The following PRKCQ variants were observed in gnomAD, a reference collection of about 807,000 sequenced individuals.
PRKCQ encodes the protein protein kinase C theta, also known as protein kinase C theta type.
A neutral mutation model predicts 91.2 loss-of-function variants in PRKCQ; 41 were observed. The ratio of observed to expected loss-of-function variants is 0.45; its 90% CI spans 0.35 to 0.58. The LOEUF (loss-of-function observed/expected upper bound fraction) is 0.58, where lower values mean the gene tolerates loss of function less well. Ranked by LOEUF, PRKCQ falls within the 20% of genes least tolerant of loss-of-function variation. The probability of loss-of-function intolerance (pLI) is 0.00; values close to 1 mark genes in which losing one functional copy is unlikely to be tolerated. For missense variants in PRKCQ, 673 were observed against 896.5 expected (o/e 0.75, Z 3.18); for synonymous variants, 307 against 316.9 (o/e 0.97, Z 0.33).
chr10:6,484,491 C>T (rs1836790669), intron 10 of PRKCQ, among the ~76,000 whole-genome samples: 1 of 152,294 alleles, frequency 6.6e-6, no homozygotes, highest in African/African-American at 2.4e-5. Flanking sequence ...GGCAACCCCT[C>T]CTAAATGTAA....
the PRKCQ span, among the ~76,000 whole-genome samples, chr10:6,411,139 G>A: frequency 6.6e-6 from 1 of 152,178 alleles, no homozygotes; most frequent in African/African-American, 2.4e-5. Flanking sequence ...TATAATGAGA[G>A]AGGAGTCTAC....
intron 1 of PRKCQ, among the ~76,000 whole-genome samples, chr10:6,539,173 A>C (rs1653948557): frequency 6.6e-6 from 1 of 152,172 alleles, no homozygotes. Context: ...TGGCCCTAAC[A>C]TTCTGCCTCA....
chr10:6,507,594 A>G, intron 3 of PRKCQ, 98 bp from the exon 4 acceptor site: 1 of 1,022,512 alleles, frequency 9.8e-7, no homozygotes, highest in Non-Finnish European at 1.5e-6. Context: ...GATTTCCACC[A>G]CAGAATACAA....
At chr10:6,521,828 T>A (rs1337676955) in intron 1 of PRKCQ, among the ~76,000 whole-genome samples, 2 of 152,212 alleles carry the variant, frequency 1.3e-5, no homozygotes. Context: ...ATATCAGGTA[T>A]GTCCATCCAA....
At chr10:6,405,133 C>T in the PRKCQ span, among the ~76,000 whole-genome samples, 1 of 152,144 alleles carries the variant, frequency 6.6e-6, no homozygotes, top group Non-Finnish European at 1.5e-5. Context: ...AGGTGCACGC[C>T]ACCACACCCT....
intron 1 of PRKCQ, among the ~76,000 whole-genome samples, chr10:6,531,817 T>C (rs1839405926): frequency 6.6e-6 from 1 of 152,132 alleles, no homozygotes; most frequent in Admixed American, 6.5e-5. Flanking sequence ...TGTTTTTTTG[T>C]TTTTTTCATT....
chr10:6,443,360 C>T (rs1834074968), intron 15 of PRKCQ, among the ~76,000 whole-genome samples: 1 of 152,212 alleles, frequency 6.6e-6, no homozygotes, highest in Non-Finnish European at 1.5e-5. Context: ...GAGACAGCTG[C>T]ACTTGCTTGC....
chr10:6,569,930 G>C (rs141367481), intron 1 of PRKCQ, among the ~76,000 whole-genome samples: 12 of 152,264 alleles, frequency 7.9e-5, no homozygotes, highest in Admixed American at 1.3e-4. Flanking sequence ...CTGGGTCACA[G>C]TCAGCGAGGA....
At chr10:6,440,826 TA>T (rs1388776056) in intron 16 of PRKCQ, among the ~76,000 whole-genome samples, 1 of 152,118 alleles carries the variant, frequency 6.6e-6, no homozygotes, top group East Asian at 1.9e-4. Context: ...CCACCTCTAC[TA>T]AAAATACAAA....
chr10:6,432,424 G>A (rs1368779441), intron 16 of PRKCQ, among the ~76,000 whole-genome samples: 5 of 152,098 alleles, frequency 3.3e-5, no homozygotes, highest in Non-Finnish European at 5.9e-5. Flanking sequence ...AAAGTTCCGG[G>A]TGAAATGTTT....
rs553468658 is a variant in PRKCQ, at chr10:6,462,175, A to G, written c.1508+128T>C. ...CATCCATGTAATCATTGTGGGCAGC[A>G]GACCTATGTGTGGAGCTTACTCCCA... On this transcript the variant is annotated intron_variant, in intron 14 of 17. Coordinates refer to ENST00000263125, the MANE Select transcript of PRKCQ (RefSeq NM_006257.5). 47 of 790,866 alleles carry G rather than the reference A, an allele frequency of 5.9e-5. No individual in the cohort carries two copies. The South Asian group carries it at 7.1e-4, about 12-fold the overall frequency. The allele number at this position is 790,866 out of a possible 1,614,324, so 49.0% of individuals were successfully genotyped here. A position where few individuals can be genotyped will look rare whatever the true frequency, so the allele number is the denominator to read the frequency against.
In PRKCQ at chr10:6,579,855, T is replaced by TTTTTA. The variant is rs1491546350; in HGVS notation, c.-10+355_-10+356insTAAAA. Among the ~76,000 whole-genome samples the TTTTTA allele has an allele frequency of 5.8e-5, 8 of 138,504 alleles. No homozygotes were observed. The South Asian group carries it at 1.2e-3, about 21-fold the overall frequency. The allele number at this position is 138,504 out of a possible 152,430, so 90.9% of individuals were successfully genotyped here. The stretch of plus-strand genomic sequence containing the variant: ...CTCACGCATTTTTTTTTTTTTTTTT[T>TTTTTA]ACCAAGAATACAAAAACTTTCCACC... On this transcript the variant is annotated intron_variant, in intron 1 of 17. Transcript: ENST00000263125.
the PRKCQ span, among the ~76,000 whole-genome samples, chr10:6,404,178 TC>T: frequency 8.3e-4 from 116 of 140,210 alleles, 1 homozygote; most frequent in East Asian, 0.022. Context: ...AGGGCAAAAA[TC>T]CTTTAATGGC....
chr10:6,567,365 A>G lies in PRKCQ; in HGVS notation c.-10+12846T>C, dbSNP rs138764729. The stretch of plus-strand genomic sequence containing the variant: ...TATGCTTGGCCCTAAAGGGCCCACC[A>G]TATCTTCCCATTTCTGAAAGGATAG... On this transcript the variant is annotated intron_variant, in intron 1 of 17. Coordinates refer to ENST00000263125, the MANE Select transcript of PRKCQ (RefSeq NM_006257.5). Among the ~76,000 whole-genome samples the G allele has an allele frequency of 1.9e-3, 291 of 152,388 alleles. 2 individuals carry two copies. Among genetic ancestry groups the G allele is most frequent in the African/African-American group, 6.7e-3 (280 of 41,600 alleles).
intron 7 of PRKCQ, among the ~76,000 whole-genome samples, chr10:6,492,970 C>T (rs1431661951): frequency 2.0e-5 from 3 of 152,002 alleles, no homozygotes; most frequent in Non-Finnish European, 4.4e-5. Flanking sequence ...AAAAATTGCT[C>T]AGCACTTACT....
intron 4 of PRKCQ, among the ~76,000 whole-genome samples, chr10:6,502,557 T>C (rs111619491): frequency 9.0e-4 from 137 of 152,288 alleles, no homozygotes; most frequent in African/African-American, 3.1e-3. Context: ...TGCAGACAAT[T>C]TGCAGATGCT....
In PRKCQ at chr10:6,453,390, G is replaced by C. The variant is rs1026025655; in HGVS notation, c.1647+3284C>G. 8.5e-4 allele frequency among the ~76,000 whole-genome samples: 130 copies of C among 152,316 alleles called. 1 individual carries two copies. Among genetic ancestry groups the C allele is most frequent in the African/African-American group, 3.0e-3 (125 of 41,576 alleles). On this transcript the variant is annotated intron_variant, in intron 15 of 17. Coordinates refer to ENST00000263125, the MANE Select transcript of PRKCQ (RefSeq NM_006257.5). ...ATGAGATACCATCTCACACCAGTTAGAATGGCAATCATTAAAAAGTCAGGA... is the reference window on the plus strand; with the variant it reads ...ATGAGATACCATCTCACACCAGTTACAATGGCAATCATTAAAAAGTCAGGA...
chr10:6,566,420 C>G (rs377481004), intron 1 of PRKCQ, among the ~76,000 whole-genome samples: 8 of 152,134 alleles, frequency 5.3e-5, no homozygotes, highest in Admixed American at 2.6e-4. Context: ...GCGAAAAGGA[C>G]CCCTCAAAAC....
intron 3 of PRKCQ, among the ~76,000 whole-genome samples, chr10:6,508,355 G>A (rs1409925639): frequency 1.3e-5 from 2 of 152,184 alleles, no homozygotes; most frequent in Non-Finnish European, 2.9e-5. Context: ...CACGTGAGCC[G>A]GAGTAACTAA....
Sources: gnomAD v4.1 joint callset for allele counts (sites outside exome capture counted in the v4.1 genomes callset) on GRCh38, gnomAD v4.1.1 for gene constraint, MANE v1.5 for transcripts, NCBI Gene and HGNC (gene_info 2026-07-23, HGNC 2026-07-21) for gene names.